IPO9: variants seen among roughly 807,000 people sequenced by gnomAD.
The protein encoded by IPO9 is importin 9.
IPO9 carries 28 observed loss-of-function variants against 128.6 expected under a neutral mutation model. That is an observed-to-expected ratio of 0.22 (90% CI 0.16 to 0.30). The LOEUF is 0.30. IPO9 is among the 10% of genes least tolerant of loss of function. IPO9 has a pLI of 1.00. For missense variants in IPO9, 935 were observed against 1,293.9 expected, an observed-to-expected ratio of 0.72 and a Z score of 4.26; for synonymous variants, 455 against 475.8, an observed-to-expected ratio of 0.96 and a Z score of 0.57.
chr1:201,852,881 C>T (rs987029071), intron 5 of IPO9, 130 bp from the exon 6 acceptor site: 1 of 698,256 alleles, frequency 1.4e-6, no homozygotes, highest in Non-Finnish European at 2.6e-6. Context: ...ATTACATTTC[C>T]CATTTCTCGA....
Position 201,878,395 on chromosome 1 carries a change from G to T in IPO9, c.*2341G>T, listed in dbSNP as rs906133529. On this transcript the variant is annotated 3_prime_UTR_variant, in exon 24 of 24. Transcript: ENST00000361565. Reference sequence around the variant, plus strand: ...ACTGCTGAGCTTGGGAAGGCTTAAGGCTCCCACACACAGACTGAGAATGAT... The same window carrying T: ...ACTGCTGAGCTTGGGAAGGCTTAAGTCTCCCACACACAGACTGAGAATGAT... The T allele has an allele frequency of 6.6e-6, 1 of 152,590 alleles. No individual in the cohort carries two copies. Among genetic ancestry groups the T allele is most frequent in the Non-Finnish European group, 1.5e-5 (1 of 68,042 alleles). The allele number at this position is 152,590 out of a possible 1,614,324, so 9.5% of individuals were successfully genotyped here. A position where few individuals can be genotyped will look rare whatever the true frequency, so the allele number is the denominator to read the frequency against.
intron 14 of IPO9, among the ~76,000 whole-genome samples, chr1:201,866,262 A>G (rs1364760929): frequency 1.3e-5 from 2 of 152,162 alleles, no homozygotes; most frequent in Non-Finnish European, 2.9e-5. Context: ...AAGTGCTGGG[A>G]TCACAGGTGT....
intron 1 of IPO9, 77 bp downstream of exon 1, chr1:201,829,449 A>C: frequency 7.2e-7 from 1 of 1,388,976 alleles, no homozygotes. Context: ...GGCTGGGGAC[A>C]TGGGGAGCCT....
chr1:201,852,972 T>G (rs1344314655), intron 5 of IPO9, 39 bp from the exon 6 acceptor site: 1 of 1,519,396 alleles, frequency 6.6e-7, no homozygotes, highest in African/African-American at 1.4e-5. Context: ...CACACTCCAG[T>G]CTCGTGGCTA....
chr1:201,829,180 C>A lies in IPO9; in HGVS notation c.-30C>A. ...CCGTCATTCGGTGGCGGGTCCCGGC[C>A]GCGGGGCTGGCGGGCTGAGGGGAGA... On this transcript the variant is annotated 5_prime_UTR_variant, in exon 1 of 24. Transcript: ENST00000361565. 3 of 1,467,140 alleles carry A rather than the reference C, an allele frequency of 2.0e-6. No homozygotes were observed. The highest frequency in any genetic ancestry group is 2.5e-5 in the Admixed American group (1 of 39,556). 90.9% of individuals were successfully genotyped at this position (1,467,140 alleles called of 1,614,324 possible). A position where few individuals can be genotyped will look rare whatever the true frequency, so the allele number is the denominator to read the frequency against.
At chr1:201,866,664 G>A in intron 14 of IPO9, 69 bp from the exon 15 acceptor site, 1 of 1,186,910 alleles carries the variant, frequency 8.4e-7, no homozygotes, top group Non-Finnish European at 1.3e-6. Flanking sequence ...GCTATAATAT[G>A]TGAGATTGAT....
intron 3 of IPO9, among the ~76,000 whole-genome samples, 180 bp from the exon 4 acceptor site, chr1:201,848,213 A>G (rs573389944): frequency 4.6e-5 from 7 of 152,344 alleles, no homozygotes; most frequent in African/African-American, 1.7e-4. Flanking sequence ...AATGGACTGC[A>G]TAAGTTTAGA....
rs142477784 is a variant in IPO9 at position 201,871,211 on chromosome 1, C to G, written c.2460C>G (p.Leu820=). 1 of 1,614,016 alleles carries G rather than the reference C, an allele frequency of 6.2e-7. No homozygotes were observed. Among genetic ancestry groups the G allele is most frequent in the Admixed American group, 1.7e-5 (1 of 60,006 alleles). ...AHLVHTQLEP[L]LEFLCSLPGP... is the part of the protein sequence containing the mutation. ...TGGTGCACACTCAGCTAGAACCTCTCTTGGAGTTCCTGTGTAGCCTCCCAG... is the reference window on the plus strand; with the variant it reads ...TGGTGCACACTCAGCTAGAACCTCTGTTGGAGTTCCTGTGTAGCCTCCCAG... The change falls in exon 19 of 24, where the codon CTC becomes CTG. Residue 820 remains leucine (L), a synonymous_variant. Transcript: ENST00000361565.
intron 1 of IPO9, among the ~76,000 whole-genome samples, chr1:201,843,688 C>T (rs1051329456): frequency 3.3e-5 from 5 of 152,018 alleles, no homozygotes; most frequent in Admixed American, 6.6e-5. Flanking sequence ...ATTAGCTGGG[C>T]GTGGTGGTAC....
At position 201,876,318 on chromosome 1, in the gene IPO9, C is replaced by T; in HGVS notation, c.*264C>T. 1.7e-6 allele frequency: 1 copy of T among 577,034 alleles called. No homozygotes were observed. Among genetic ancestry groups the T allele is most frequent in the Non-Finnish European group, 3.2e-6 (1 of 312,196 alleles). 35.7% of individuals were successfully genotyped at this position (577,034 alleles called of 1,614,324 possible). ...TTTTTTCTCCCCGACTCTACCCCCACCTCTGTTCCTAGAGCCCTCTGCTGG... is the reference window on the plus strand; with the variant it reads ...TTTTTTCTCCCCGACTCTACCCCCATCTCTGTTCCTAGAGCCCTCTGCTGG... On this transcript the variant is annotated 3_prime_UTR_variant, in exon 24 of 24. Transcript: ENST00000361565.
chr1:201,865,878 G>A (rs1680546411), intron 14 of IPO9, among the ~76,000 whole-genome samples: 1 of 152,068 alleles, frequency 6.6e-6, no homozygotes, highest in African/African-American at 2.4e-5. Flanking sequence ...GATCACCTGA[G>A]GTCAGGAGTT....
chr1:201,871,157 C>G lies in IPO9; in HGVS notation c.2410-4C>G, dbSNP rs1680644045. The G allele has an allele frequency of 6.2e-7, 1 of 1,610,942 alleles. No homozygotes were observed. Among genetic ancestry groups the G allele is most frequent in the Non-Finnish European group, 8.5e-7 (1 of 1,178,544 alleles). On this transcript the variant is annotated splice_polypyrimidine_tract_variant and splice_region_variant and intron_variant, in intron 18 of 23. Coordinates refer to ENST00000361565, the MANE Select transcript of IPO9 (RefSeq NM_018085.5). ...CTGAAGCAAATGTCCTTATTTTCTC[C>G]TAGTCCCTGATCATGGTGTTCGCTC...
intron 14 of IPO9, among the ~76,000 whole-genome samples, chr1:201,864,197 A>G (rs544298833): frequency 1.3e-5 from 2 of 152,328 alleles, no homozygotes; most frequent in African/African-American, 2.4e-5. Context: ...TTTATTTTCC[A>G]TGTGCCTGCC....
chr1:201,837,397 A>G (rs776858004), intron 1 of IPO9, among the ~76,000 whole-genome samples: 2 of 152,180 alleles, frequency 1.3e-5, no homozygotes, highest in Non-Finnish European at 2.9e-5. Flanking sequence ...GATAGGACCT[A>G]TGTGTAAAGT....
intron 13 of IPO9, 135 bp downstream of exon 13, chr1:201,859,129 AT>A: frequency 1.7e-6 from 1 of 589,280 alleles, no homozygotes; most frequent in Non-Finnish European, 2.7e-6. Context: ...TGGCACATGT[AT>A]ACATATGTAA....
chr1:201,876,148 A>G lies in IPO9; in HGVS notation c.*94A>G, dbSNP rs1173630516. The G allele has an allele frequency of 7.9e-6, 7 of 890,528 alleles. No homozygotes were observed. The East Asian group carries it at 1.7e-4, about 21-fold the overall frequency. 55.2% of individuals were successfully genotyped at this position (890,528 alleles called of 1,614,324 possible). A position where few individuals can be genotyped will look rare whatever the true frequency, so the allele number is the denominator to read the frequency against. ...TTGAGATGCACTTTCTTCTCAACCT[A>G]AAGTGGCATCTTGACCCTTGGCCCT... is the stretch of plus-strand genomic sequence containing the variant. On this transcript the variant is annotated 3_prime_UTR_variant, in exon 24 of 24. Coordinates refer to ENST00000361565, the MANE Select transcript of IPO9 (RefSeq NM_018085.5).
intron 6 of IPO9, 142 bp downstream of exon 6, chr1:201,853,239 G>T: frequency 1.4e-6 from 1 of 701,580 alleles, no homozygotes. Flanking sequence ...TTAAATTATT[G>T]TTGTTATTTT....
At chr1:201,837,810 C>T (rs1017666032) in intron 1 of IPO9, among the ~76,000 whole-genome samples, 1 of 152,196 alleles carries the variant, frequency 6.6e-6, no homozygotes, top group African/African-American at 2.4e-5. Flanking sequence ...GGGGCTCATG[C>T]CTGTAATCCC....
At chr1:201,856,465 CAATA>C (rs1238191536) in intron 10 of IPO9, among the ~76,000 whole-genome samples, 5 of 152,246 alleles carry the variant, frequency 3.3e-5, no homozygotes, top group African/African-American at 1.2e-4. Context: ...ATAATTTTCA[CAATA>C]AATAGTCTAT....
Sources: gnomAD v4.1 joint callset for allele counts (sites outside exome capture counted in the v4.1 genomes callset) on GRCh38, gnomAD v4.1.1 for gene constraint, MANE v1.5 for transcripts, NCBI Gene and HGNC (gene_info 2026-07-23, HGNC 2026-07-21) for gene names.